TDRD3: variants seen among roughly 807,000 people sequenced by gnomAD.
TDRD3 encodes the protein tudor domain containing 3.
Under a neutral mutation model 86.7 loss-of-function variants are expected in TDRD3, and 45 were observed. The ratio of observed to expected loss-of-function variants is 0.52; its 90% CI spans 0.41 to 0.67. The LOEUF (loss-of-function observed/expected upper bound fraction) is 0.67, where lower values mean the gene tolerates loss of function less well. TDRD3 is among the 30% of genes least tolerant of loss of function. The probability of loss-of-function intolerance (pLI) is 0.00; values close to 1 mark genes in which losing one functional copy is unlikely to be tolerated. For synonymous variants in TDRD3, 298 were observed against 301.7 expected (o/e 0.99, Z 0.13); for missense variants, 814 against 889.0 (o/e 0.92, Z 1.07).
At chr13:60,481,304 T>G (rs1436754404) in intron 5 of TDRD3, among the ~76,000 whole-genome samples, 1 of 152,036 alleles carries the variant, frequency 6.6e-6, no homozygotes, top group Non-Finnish European at 1.5e-5. Flanking sequence ...AAAATGTGAT[T>G]TGGCCATTAT....
intron 8 of TDRD3, among the ~76,000 whole-genome samples, chr13:60,500,449 G>A (rs1956807403): frequency 6.6e-6 from 1 of 152,144 alleles, no homozygotes; most frequent in Non-Finnish European, 1.5e-5. Context: ...TCAGTTGACA[G>A]AGGAAGAGAA....
At chr13:60,559,081 A>T (rs559339484) in intron 12 of TDRD3, among the ~76,000 whole-genome samples, 1 of 151,458 alleles carries the variant, frequency 6.6e-6, no homozygotes, top group African/African-American at 2.4e-5. Flanking sequence ...AGGTAAACAA[A>T]CTCATGTGTT....
rs1955777482 is a variant in TDRD3 at position 60,460,384 on chromosome 13, A to G, written c.197A>G (p.Glu66Gly). The change falls in exon 4 of 14, where the codon GAA becomes GGA. Residue 66 changes from glutamate to glycine, a missense_variant. Coordinates refer to ENST00000377881, the MANE Select transcript of TDRD3 (RefSeq NM_001146070.2). ...DINSGKVEKL[E>G]GPCVLQIQKI... is the part of the protein sequence containing the mutation. ...TATTCTTTTCTGTTTTGACAGCTCG[A>G]AGGTCCATGTGTTTTGCAAATTCAA... 1.9e-6 allele frequency: 3 copies of G among 1,599,076 alleles called. No individual in the cohort carries two copies. The African/African-American group carries it at 4.1e-5, about 22-fold the overall frequency.
intron 5 of TDRD3, among the ~76,000 whole-genome samples, chr13:60,469,620 T>C (rs147924439): frequency 0.045 from 6,779 of 152,298 alleles, 208 homozygotes; most frequent in Non-Finnish European, 0.064. Flanking sequence ...TTTTTGGCTT[T>C]ATAGTTTTTG....
intron 1 of TDRD3, among the ~76,000 whole-genome samples, chr13:60,414,481 C>T (rs2137840324): frequency 6.6e-6 from 1 of 152,246 alleles, no homozygotes; most frequent in South Asian, 2.1e-4. Flanking sequence ...TAGCCAATCT[C>T]TGCCCTAAGT....
intron 1 of TDRD3, among the ~76,000 whole-genome samples, chr13:60,410,433 G>A (rs1293588448): frequency 2.0e-5 from 3 of 152,170 alleles, no homozygotes; most frequent in African/African-American, 4.8e-5. Context: ...CAAAAAGGAC[G>A]TGTATGTGTT....
At chr13:60,450,949 A>G (rs951919551) in intron 3 of TDRD3, among the ~76,000 whole-genome samples, 10 of 152,294 alleles carry the variant, frequency 6.6e-5, no homozygotes, top group Middle Eastern at 3.4e-3. Context: ...GCTCTACGGT[A>G]CATACACACA....
chr13:60,447,633 T>A (rs932784949), intron 3 of TDRD3, among the ~76,000 whole-genome samples: 4 of 152,186 alleles, frequency 2.6e-5, no homozygotes, highest in African/African-American at 7.2e-5. Flanking sequence ...ATCATTATTG[T>A]CTGGGTTTTG....
rs777795656 is a variant in TDRD3, at chr13:60,528,775, A to G, written c.1550A>G (p.Lys517Arg). 1 of 1,613,696 alleles carries G rather than the reference A, an allele frequency of 6.2e-7. No individual in the cohort carries two copies. Among genetic ancestry groups the G allele is most frequent in the South Asian group, 1.1e-5 (1 of 90,886 alleles). The change falls in exon 11 of 14, where the codon AAA becomes AGA. Residue 517 changes from lysine (K) to arginine (R), a missense_variant. Coordinates refer to ENST00000377881, the MANE Select transcript of TDRD3 (RefSeq NM_001146070.2). Reference protein sequence around the residue: ...SGKGPSFAEAKENPLPQGSVD... With the variant: ...SGKGPSFAEARENPLPQGSVD... The stretch of plus-strand genomic sequence containing the variant: ...AAAGGTCCCTCCTTTGCAGAGGCAA[A>G]AGAAAATCCACTTCCTCAAGGATCT...
chr13:60,417,215 A>C (rs571701032), intron 1 of TDRD3, among the ~76,000 whole-genome samples: 4 of 151,786 alleles, frequency 2.6e-5, no homozygotes. Flanking sequence ...GGCTCTTGCT[A>C]TGTTGTCCAG....
chr13:60,399,621 A>T (rs2137785634), intron 1 of TDRD3, among the ~76,000 whole-genome samples: 1 of 152,282 alleles, frequency 6.6e-6, no homozygotes, highest in African/African-American at 2.4e-5. Flanking sequence ...TCACCAACTC[A>T]TTTTAGTTCT....
intron 8 of TDRD3, among the ~76,000 whole-genome samples, chr13:60,496,077 A>G (rs1297548923): frequency 6.6e-6 from 1 of 151,898 alleles, no homozygotes; most frequent in South Asian, 2.1e-4. Flanking sequence ...GTCACCTGCC[A>G]GTATGGCTAC....
At chr13:60,427,938 A>G (rs1055484616) in intron 1 of TDRD3, among the ~76,000 whole-genome samples, 11 of 152,160 alleles carry the variant, frequency 7.2e-5, no homozygotes, top group African/African-American at 2.4e-4. Flanking sequence ...GCTTAAAACA[A>G]TTGAAATTTA....
At chr13:60,520,384 G>T (rs951272182) in intron 10 of TDRD3, among the ~76,000 whole-genome samples, 1 of 151,934 alleles carries the variant, frequency 6.6e-6, no homozygotes, top group South Asian at 2.1e-4. Flanking sequence ...GTTGATTATG[G>T]CTTTACTTAG....
Position 60,566,522 on chromosome 13 carries a change from A to G in TDRD3, c.2119-1003A>G, listed in dbSNP as rs547654478. 1.9e-4 allele frequency among the ~76,000 whole-genome samples: 29 copies of G among 152,290 alleles called. No homozygotes were observed. In the South Asian group the frequency reaches 5.4e-3, roughly 28 times the overall value. ...AGAAGATTCAAAGATAAAGTAAGGA[A>G]GAGAAAAAATAGGATTAATTTCCAA... On this transcript the variant is annotated intron_variant, in intron 12 of 13. Transcript: ENST00000377881.
chr13:60,403,509 G>A lies in TDRD3; in HGVS notation c.41+6104G>A, dbSNP rs908957694. 2.0e-5 allele frequency among the ~76,000 whole-genome samples: 3 copies of A among 152,172 alleles called. No individual in the cohort carries two copies. In the South Asian group the frequency reaches 6.2e-4, roughly 32 times the overall value. On this transcript the variant is annotated intron_variant, in intron 1 of 13. Coordinates refer to ENST00000377881, the MANE Select transcript of TDRD3 (RefSeq NM_001146070.2). ...AGATAAATTTTGGAAGAAGAATACT[G>A]AATGCCCAGAAATTTTCATGTAAAA...
chr13:60,493,489 C>T (rs1290636445), intron 7 of TDRD3, among the ~76,000 whole-genome samples: 1 of 151,832 alleles, frequency 6.6e-6, no homozygotes, highest in African/African-American at 2.4e-5. Flanking sequence ...TGGTGAAACC[C>T]CATCTCTACT....
At position 60,448,991 on chromosome 13, in the gene TDRD3, G is replaced by A. The variant is rs531549067; in HGVS notation, c.192+4243G>A. ...TTTATTTTTTCTAAGTTCTAAGAAT[G>A]ACAGGTTGTATATACCTTTTTAAAT... On this transcript the variant is annotated intron_variant, in intron 3 of 13. Transcript: ENST00000377881. Among the ~76,000 whole-genome samples, 9 of 152,194 alleles carry A rather than the reference G, an allele frequency of 5.9e-5. No homozygotes were observed. In the East Asian group the frequency reaches 1.2e-3, roughly 20 times the overall value.
In TDRD3 at chr13:60,471,496, T is replaced by A. The variant is rs61968668; in HGVS notation, c.495+4117T>A. Among the ~76,000 whole-genome samples the A allele has an allele frequency of 7.2e-5, 11 of 151,770 alleles. 1 individual carries two copies. The highest frequency in any genetic ancestry group is 6.3e-3 in the Middle Eastern group (2 of 316). ...TTTCAGGATTGTTTTGGCTATTCAG[T>A]ATTGAGATTCCTTATGAATTATAGG... is the stretch of plus-strand genomic sequence containing the variant. On this transcript the variant is annotated intron_variant, in intron 5 of 13. Transcript: ENST00000377881.
Sources: gnomAD v4.1 joint callset for allele counts (sites outside exome capture counted in the v4.1 genomes callset) on GRCh38, gnomAD v4.1.1 for gene constraint, MANE v1.5 for transcripts, NCBI Gene and HGNC (gene_info 2026-07-23, HGNC 2026-07-21) for gene names.